GHR: variants seen among roughly 807,000 people sequenced by gnomAD.
The protein encoded by GHR is growth hormone receptor.
In GHR, 35 loss-of-function variants were observed where a neutral mutation model predicts 67.1. The observed-to-expected ratio is 0.52, with a 90% CI of 0.40 to 0.69. GHR has a LOEUF of 0.69. GHR is among the 30% of genes least tolerant of loss of function. The probability of loss-of-function intolerance (pLI) is 0.00; values close to 1 mark genes in which losing one functional copy is unlikely to be tolerated. For synonymous variants in GHR, 272 were observed against 269.1 expected, an observed-to-expected ratio of 1.01 and a Z score of -0.10; for missense variants, 792 against 764.6, an observed-to-expected ratio of 1.04 and a Z score of -0.42.
At chr5:42,674,063 G>T (rs2112913299) in intron 3 of GHR, among the ~76,000 whole-genome samples, 1 of 152,158 alleles carries the variant, frequency 6.6e-6, no homozygotes, top group East Asian at 1.9e-4. Context: ...TAAGTTTCAG[G>T]AATTTTGATG....
At chr5:42,577,775 T>G (rs1750838978) in intron 2 of GHR, among the ~76,000 whole-genome samples, 1 of 152,196 alleles carries the variant, frequency 6.6e-6, no homozygotes, top group Admixed American at 6.5e-5. Context: ...CAAGAGCCTT[T>G]TCTAAATACA....
intron 1 of GHR, among the ~76,000 whole-genome samples, chr5:42,510,190 A>G (rs1017728373): frequency 6.6e-6 from 1 of 152,192 alleles, no homozygotes; most frequent in Non-Finnish European, 1.5e-5. Flanking sequence ...ATTCTTTGGC[A>G]AATAGTAACC....
chr5:42,661,700 C>T (rs901126746), intron 3 of GHR, among the ~76,000 whole-genome samples: 11 of 152,120 alleles, frequency 7.2e-5, no homozygotes, highest in South Asian at 4.1e-4. Flanking sequence ...CATCAACTAA[C>T]GAGTAAAATA....
intron 2 of GHR, among the ~76,000 whole-genome samples, chr5:42,568,361 T>G (rs1257918896): frequency 6.6e-6 from 1 of 152,184 alleles, no homozygotes. Context: ...TTCTCATCCT[T>G]AATATGAAGC....
At chr5:42,565,564 C>T (rs1351753164) in intron 1 of GHR, 2 of 985,212 alleles carry the variant, frequency 2.0e-6, no homozygotes, top group African/African-American at 3.5e-5. Context: ...TGAAGCTGTG[C>T]ATGGGGGTCG....
At chr5:42,665,788 C>T (rs1755935103) in intron 3 of GHR, among the ~76,000 whole-genome samples, 1 of 151,964 alleles carries the variant, frequency 6.6e-6, no homozygotes, top group Non-Finnish European at 1.5e-5. Context: ...TTAATGGACT[C>T]ACAGTTCCAC....
intron 3 of GHR, among the ~76,000 whole-genome samples, chr5:42,645,911 G>A (rs959275168): frequency 6.6e-6 from 1 of 152,152 alleles, no homozygotes; most frequent in Admixed American, 6.5e-5. Context: ...TGCACCATAT[G>A]CATCTGCTTG....
chr5:42,550,064 T>C, intron 1 of GHR: 2 of 968,988 alleles, frequency 2.1e-6, no homozygotes, highest in East Asian at 1.1e-4. Flanking sequence ...TTTGTTTGTA[T>C]TGTCTGCCTG....
intron 2 of GHR, among the ~76,000 whole-genome samples, chr5:42,623,432 C>A (rs1419734457): frequency 6.6e-6 from 1 of 152,174 alleles, no homozygotes; most frequent in Non-Finnish European, 1.5e-5. Flanking sequence ...CCTGCTTCTT[C>A]CCTAATTCAA....
intron 1 of GHR, chr5:42,468,953 C>G (rs1003190509): frequency 2.6e-5 from 11 of 428,220 alleles, no homozygotes; most frequent in African/African-American, 1.0e-4. Context: ...CCCAGAAGAT[C>G]GAAGAACAAT....
intron 3 of GHR, among the ~76,000 whole-genome samples, chr5:42,661,543 C>A (rs1304331333): frequency 1.3e-5 from 2 of 152,186 alleles, no homozygotes; most frequent in African/African-American, 4.8e-5. Context: ...ACTTTACAGA[C>A]AAGCAAATGC....
At chr5:42,627,602 C>T (rs963048033) in intron 2 of GHR, among the ~76,000 whole-genome samples, 5 of 152,234 alleles carry the variant, frequency 3.3e-5, no homozygotes, top group African/African-American at 9.6e-5. Context: ...ACAGAGCTTG[C>T]GACAGGGATG....
intron 1 of GHR, among the ~76,000 whole-genome samples, chr5:42,564,000 C>A (rs533944841): frequency 6.6e-6 from 1 of 151,756 alleles, no homozygotes; most frequent in Non-Finnish European, 1.5e-5. Flanking sequence ...GCAAAGTAGA[C>A]GAGGATGATG....
At chr5:42,437,753 G>A (rs1743392200) in intron 1 of GHR, among the ~76,000 whole-genome samples, 1 of 151,176 alleles carries the variant, frequency 6.6e-6, no homozygotes, top group Non-Finnish European at 1.5e-5. Flanking sequence ...ACAGGGTTTA[G>A]CCAGGTTGCC....
intron 4 of GHR, among the ~76,000 whole-genome samples, chr5:42,689,889 G>A (rs1757344024): frequency 6.6e-6 from 1 of 152,210 alleles, no homozygotes; most frequent in African/African-American, 2.4e-5. Flanking sequence ...GTAAAAGACT[G>A]TAGTACTTTT....
intron 2 of GHR, among the ~76,000 whole-genome samples, chr5:42,613,318 G>A (rs1040013279): frequency 1.2e-4 from 18 of 151,948 alleles, no homozygotes; most frequent in Non-Finnish European, 2.4e-4. Context: ...TTGTTTCTCC[G>A]TGTGTGTTTC....
At chr5:42,515,626 C>T (rs1235264306) in intron 1 of GHR, among the ~76,000 whole-genome samples, 5 of 152,176 alleles carry the variant, frequency 3.3e-5, no homozygotes, top group African/African-American at 7.2e-5. Context: ...GTCTATAACC[C>T]GCTGAAAATC....
At chr5:42,591,899 T>C (rs1192001311) in intron 2 of GHR, among the ~76,000 whole-genome samples, 2 of 152,132 alleles carry the variant, frequency 1.3e-5, no homozygotes, top group Non-Finnish European at 2.9e-5. Flanking sequence ...TATGTGCATT[T>C]TAATAGAGGA....
chr5:42,624,256 C>G (rs1270129641), intron 2 of GHR, among the ~76,000 whole-genome samples: 1 of 152,106 alleles, frequency 6.6e-6, no homozygotes, highest in South Asian at 2.1e-4. Context: ...GGCCAGGGCT[C>G]CCCAAGCATT....
Sources: allele counts gnomAD v4.1 joint callset (sites outside exome capture counted in the v4.1 genomes callset), GRCh38; gene constraint gnomAD v4.1.1; transcripts MANE v1.5; gene names NCBI Gene and HGNC (gene_info 2026-07-23, HGNC 2026-07-21).